The following PBX1 variants were observed in gnomAD, a reference collection of about 807,000 sequenced individuals.
PBX1 encodes PBX homeobox 1, also known as pre-B-cell leukemia transcription factor 1.
In PBX1, 6 loss-of-function variants were observed where a neutral mutation model predicts 53.4. That is an observed-to-expected ratio of 0.11 (90% confidence interval 0.06 to 0.22). The LOEUF (loss-of-function observed/expected upper bound fraction) is 0.22, where lower values mean the gene tolerates loss of function less well. PBX1 is among the 10% of genes least tolerant of loss of function. PBX1 has a pLI of 1.00. For synonymous variants in PBX1, 204 were observed against 212.3 expected (o/e 0.96, Z 0.34); for missense variants, 251 against 551.4 (o/e 0.46, Z 5.46).
At chr1:164,600,268 T>TC (rs1464067133) in intron 2 of PBX1, among the ~76,000 whole-genome samples, 4 of 141,456 alleles carry the variant, frequency 2.8e-5, no homozygotes, top group African/African-American at 1.1e-4. Flanking sequence ...TTTTTTTTTT[T>TC]TGATACAGAG....
chr1:164,715,933 T>TGCCCAC (rs775951183), intron 2 of PBX1, among the ~76,000 whole-genome samples: 1 of 152,192 alleles, frequency 6.6e-6, no homozygotes, highest in Non-Finnish European at 1.5e-5. Context: ...AAAGGCCTAT[T>TGCCCAC]GCCCACTTAT....
chr1:164,589,269 A>G (rs1297719030), intron 2 of PBX1, among the ~76,000 whole-genome samples: 3 of 152,040 alleles, frequency 2.0e-5, no homozygotes, highest in Admixed American at 6.5e-5. Context: ...TTCTGCAGGC[A>G]CACACACAGC....
At chr1:164,857,990 G>C (rs1672013517) in intron 2 of PBX1, among the ~76,000 whole-genome samples, 1 of 152,080 alleles carries the variant, frequency 6.6e-6, no homozygotes, top group Non-Finnish European at 1.5e-5. Context: ...CTTCAAGCCT[G>C]AACTAAGAAT....
At chr1:164,649,957 G>T (rs1303190799) in intron 2 of PBX1, among the ~76,000 whole-genome samples, 4 of 152,128 alleles carry the variant, frequency 2.6e-5, no homozygotes, top group Non-Finnish European at 5.9e-5. Context: ...AAGATATTTG[G>T]CTTTAAAATA....
chr1:164,741,633 CAG>C (rs1278078713), intron 2 of PBX1, among the ~76,000 whole-genome samples: 1 of 152,056 alleles, frequency 6.6e-6, no homozygotes, highest in Non-Finnish European at 1.5e-5. Flanking sequence ...TAAATGGTAA[CAG>C]TGCTTTAATA....
chr1:164,860,459 C>T (rs1263888006), intron 2 of PBX1, among the ~76,000 whole-genome samples: 1 of 152,100 alleles, frequency 6.6e-6, no homozygotes, highest in Non-Finnish European at 1.5e-5. Flanking sequence ...GTAAAAATTG[C>T]TGACTCCAGC....
chr1:164,614,260 G>A (rs1657125540), intron 2 of PBX1, among the ~76,000 whole-genome samples: 1 of 152,166 alleles, frequency 6.6e-6, no homozygotes, highest in African/African-American at 2.4e-5. Context: ...TTACAAATGA[G>A]GAGAGTGATG....
At chr1:164,610,208 C>T (rs147815518) in intron 2 of PBX1, among the ~76,000 whole-genome samples, 11 of 152,130 alleles carry the variant, frequency 7.2e-5, no homozygotes, top group Non-Finnish European at 1.5e-4. Context: ...ACAATCTCCC[C>T]GGGAAAGAGA....
At chr1:164,586,129 G>C (rs1468007906) in intron 2 of PBX1, among the ~76,000 whole-genome samples, 1 of 152,216 alleles carries the variant, frequency 6.6e-6, no homozygotes, top group East Asian at 1.9e-4. Flanking sequence ...TGCTCTCATA[G>C]TCCTATGGGC....
intron 2 of PBX1, chr1:164,769,300 A>G (rs1667243148): frequency 6.6e-6 from 1 of 152,102 alleles, no homozygotes; most frequent in Admixed American, 6.5e-5. Flanking sequence ...GGCCCCTACA[A>G]AGGTGAGCAG....
intron 2 of PBX1, among the ~76,000 whole-genome samples, chr1:164,648,260 C>T (rs1261837919): frequency 6.6e-6 from 1 of 152,138 alleles, no homozygotes; most frequent in Non-Finnish European, 1.5e-5. Flanking sequence ...TTCCAATTAA[C>T]AGTGGAGGAA....
chr1:164,726,018 C>T (rs1664683569), intron 2 of PBX1, among the ~76,000 whole-genome samples: 1 of 152,158 alleles, frequency 6.6e-6, no homozygotes, highest in African/African-American at 2.4e-5. Context: ...TCTGACTGCC[C>T]TGGGTGAATT....
At chr1:164,566,478 G>A (rs1184217690) in intron 2 of PBX1, among the ~76,000 whole-genome samples, 2 of 152,142 alleles carry the variant, frequency 1.3e-5, no homozygotes, top group African/African-American at 2.4e-5. Context: ...TAGGAATACA[G>A]AGACAATTAG....
intron 2 of PBX1, among the ~76,000 whole-genome samples, chr1:164,675,490 C>T (rs1314088264): frequency 6.6e-6 from 1 of 152,116 alleles, no homozygotes; most frequent in East Asian, 1.9e-4. Context: ...ATCCTGCTAC[C>T]ACCTCCCTGC....
At chr1:164,573,484 CT>C (rs747696401) in intron 2 of PBX1, among the ~76,000 whole-genome samples, 2,226 of 104,638 alleles carry the variant, frequency 0.021, 39 homozygotes, top group African/African-American at 0.065. Flanking sequence ...TACAGCACAT[CT>C]TTTTTTTTTT....
At chr1:164,755,998 GAAAA>G (rs370503258) in intron 2 of PBX1, among the ~76,000 whole-genome samples, 7 of 125,018 alleles carry the variant, frequency 5.6e-5, no homozygotes, top group Admixed American at 2.5e-4. Flanking sequence ...CCCGATTCAG[GAAAA>G]AAAAAAAAAA....
chr1:164,809,169 T>A (rs1281090779), intron 5 of PBX1, among the ~76,000 whole-genome samples: 1 of 152,196 alleles, frequency 6.6e-6, no homozygotes, highest in Non-Finnish European at 1.5e-5. Context: ...ACTGTCTGAA[T>A]TCCAAGTGTG....
At position 164,737,982 on chromosome 1, in the gene PBX1, A is replaced by G. The variant is rs551362483; in HGVS notation, c.266-54512A>G. On this transcript the variant is annotated intron_variant, in intron 2 of 8. Transcript: ENST00000420696. ...AGAATTTCATTCTTTAAATGAAATT[A>G]TATGGAATATAGTTGTGTCATGCTT... Among the ~76,000 whole-genome samples, 9 of 152,268 alleles carry G rather than the reference A, an allele frequency of 5.9e-5. No individual in the cohort carries two copies. The South Asian group carries it at 8.3e-4, about 14-fold the overall frequency.
chr1:164,790,343 A>G (rs903193580), intron 2 of PBX1, among the ~76,000 whole-genome samples: 5 of 152,204 alleles, frequency 3.3e-5, no homozygotes, highest in Non-Finnish European at 5.9e-5. Flanking sequence ...TATTGGAAAA[A>G]AAAGTCCACA....
Sources: gnomAD v4.1 joint callset for allele counts (sites outside exome capture counted in the v4.1 genomes callset) on GRCh38, gnomAD v4.1.1 for gene constraint, MANE v1.5 for transcripts, NCBI Gene and HGNC (gene_info 2026-07-23, HGNC 2026-07-21) for gene names.